The following RELCH variants were observed in gnomAD, a reference collection of about 807,000 sequenced individuals.
The protein encoded by RELCH is RAB11-binding protein RELCH.
RELCH carries 41 observed loss-of-function variants against 150.3 expected under a neutral mutation model. The ratio of observed to expected loss-of-function variants is 0.27; its 90% CI spans 0.21 to 0.35. The LOEUF is 0.35. RELCH is among the 10% of genes least tolerant of loss of function. The pLI is 1.00. For missense variants in RELCH, 1,092 were observed against 1,467.8 expected (o/e 0.74, Z 4.18); for synonymous variants, 478 against 531.8 (o/e 0.90, Z 1.39).
intron 1 of RELCH, among the ~76,000 whole-genome samples, chr18:62,207,915 A>T (rs1339716408): frequency 6.6e-6 from 1 of 152,256 alleles, no homozygotes; most frequent in Admixed American, 6.5e-5. Flanking sequence ...TACAGTATAT[A>T]GCCATGTAGC....
chr18:62,256,432 A>G (rs1457626654), intron 13 of RELCH, among the ~76,000 whole-genome samples: 1 of 151,960 alleles, frequency 6.6e-6, no homozygotes. Context: ...AAAATGCCTT[A>G]TTGTTGTGAT....
chr18:62,288,401 T>C (rs1246501598), intron 26 of RELCH, among the ~76,000 whole-genome samples: 1 of 152,098 alleles, frequency 6.6e-6, no homozygotes, highest in African/African-American at 2.4e-5. Flanking sequence ...GAGATAAATA[T>C]GCCATAAAAT....
intron 2 of RELCH, among the ~76,000 whole-genome samples, chr18:62,214,962 T>C (rs1250510583): frequency 6.6e-6 from 1 of 152,190 alleles, no homozygotes; most frequent in Non-Finnish European, 1.5e-5. Flanking sequence ...AAGGTCTTTC[T>C]CCCATTGTCT....
chr18:62,201,137 C>T (rs28671215), intron 1 of RELCH, among the ~76,000 whole-genome samples: 2 of 151,642 alleles, frequency 1.3e-5, no homozygotes, highest in African/African-American at 2.4e-5. Flanking sequence ...CCATGCCCAG[C>T]TAATTTTTTG....
At chr18:62,195,855 C>T (rs1367398487) in intron 1 of RELCH, among the ~76,000 whole-genome samples, 1 of 152,012 alleles carries the variant, frequency 6.6e-6, no homozygotes, top group East Asian at 1.9e-4. Context: ...GCCACCACAC[C>T]CAGCCAATTT....
chr18:62,215,298 C>T (rs981485995), intron 2 of RELCH, among the ~76,000 whole-genome samples: 2 of 152,106 alleles, frequency 1.3e-5, no homozygotes, highest in Admixed American at 6.5e-5. Flanking sequence ...CATCTAAGAA[C>T]AAACATCTGT....
At chr18:62,272,935 TTG>T (rs956307534) in intron 20 of RELCH, among the ~76,000 whole-genome samples, 13 of 152,060 alleles carry the variant, frequency 8.5e-5, no homozygotes, top group African/African-American at 2.9e-4. Context: ...GTCAGTTAAA[TTG>T]TGTGTCCTAA....
chr18:62,252,552 G>A, intron 11 of RELCH, 112 bp from the exon 12 acceptor site: 1 of 724,210 alleles, frequency 1.4e-6, no homozygotes, highest in South Asian at 1.7e-5. Context: ...TAATTTGATT[G>A]TATAAAAATC....
chr18:62,265,102 A>G (rs1379230416), intron 18 of RELCH, among the ~76,000 whole-genome samples: 1 of 152,082 alleles, frequency 6.6e-6, no homozygotes, highest in African/African-American at 2.4e-5. Context: ...CTCATTGTAG[A>G]TATCCTCAAA....
chr18:62,299,585 C>T (rs893737548), intron 28 of RELCH, among the ~76,000 whole-genome samples: 1 of 152,040 alleles, frequency 6.6e-6, no homozygotes, highest in African/African-American at 2.4e-5. Context: ...GTGTTAGAAC[C>T]CTTACTTTAT....
intron 1 of RELCH, among the ~76,000 whole-genome samples, chr18:62,196,554 T>C (rs2039064580): frequency 6.6e-6 from 1 of 152,218 alleles, no homozygotes; most frequent in Non-Finnish European, 1.5e-5. Flanking sequence ...CTAAAATTTA[T>C]TAAGTTCACT....
chr18:62,282,776 G>A (rs2144963956), intron 25 of RELCH, among the ~76,000 whole-genome samples: 1 of 152,284 alleles, frequency 6.6e-6, no homozygotes, highest in Non-Finnish European at 1.5e-5. Context: ...TCCTGCCTCA[G>A]CCTCCCAAGT....
chr18:62,227,267 AT>A (rs2041273535), intron 5 of RELCH, 21 bp from the exon 6 acceptor site: 3 of 1,436,214 alleles, frequency 2.1e-6, no homozygotes, highest in Non-Finnish European at 2.9e-6. Context: ...AAGATTTTTT[AT>A]GTTTTTTTTT....
intron 11 of RELCH, among the ~76,000 whole-genome samples, chr18:62,250,945 T>C (rs1484809188): frequency 6.6e-6 from 1 of 152,226 alleles, no homozygotes; most frequent in Non-Finnish European, 1.5e-5. Flanking sequence ...ATACTTTTTT[T>C]CCCATCAGGT....
intron 1 of RELCH, among the ~76,000 whole-genome samples, chr18:62,191,671 G>T (rs998040465): frequency 1.3e-5 from 2 of 152,196 alleles, no homozygotes; most frequent in African/African-American, 4.8e-5. Flanking sequence ...TTAGTTTGCT[G>T]AGGATAATGG....
chr18:62,225,101 A>G (rs1442306848), intron 5 of RELCH, among the ~76,000 whole-genome samples: 2 of 152,060 alleles, frequency 1.3e-5, no homozygotes, highest in Non-Finnish European at 2.9e-5. Flanking sequence ...AATACCTTCC[A>G]TGCAGAAAGG....
chr18:62,233,593 A>G (rs1218674729), intron 10 of RELCH, among the ~76,000 whole-genome samples: 4 of 152,018 alleles, frequency 2.6e-5, no homozygotes, highest in African/African-American at 9.7e-5. Context: ...ATTAATAAGT[A>G]TGGAAAGTCT....
intron 1 of RELCH, among the ~76,000 whole-genome samples, chr18:62,201,176 T>G (rs1201990976): frequency 6.6e-6 from 1 of 151,920 alleles, no homozygotes; most frequent in Admixed American, 6.6e-5. Flanking sequence ...AGTTTCACCG[T>G]TTCAGCCAGG....
intron 2 of RELCH, among the ~76,000 whole-genome samples, chr18:62,219,161 G>A (rs961936498): frequency 9.9e-5 from 15 of 151,662 alleles, no homozygotes; most frequent in Non-Finnish European, 2.1e-4. Flanking sequence ...CAATATATAT[G>A]TAGATGTGCA....
Sources: gnomAD v4.1 joint callset for allele counts (sites outside exome capture counted in the v4.1 genomes callset) on GRCh38, gnomAD v4.1.1 for gene constraint, MANE v1.5 for transcripts, NCBI Gene and HGNC (gene_info 2026-07-23, HGNC 2026-07-21) for gene names.